The following PTPRD variants were observed in gnomAD, a reference collection of about 807,000 sequenced individuals.
PTPRD encodes receptor-type tyrosine-protein phosphatase delta.
In PTPRD, 34 loss-of-function variants were observed where a neutral mutation model predicts 214.5. The ratio of observed to expected loss-of-function variants is 0.16; its 90% CI spans 0.12 to 0.21. The LOEUF (loss-of-function observed/expected upper bound fraction) is 0.21, where lower values mean the gene tolerates loss of function less well. PTPRD is among the 10% of genes least tolerant of loss of function. PTPRD has a pLI of 1.00. For missense variants in PTPRD, 2,545 were observed against 2,398.7 expected, an observed-to-expected ratio of 1.06 and a Z score of -1.27; for synonymous variants, 1,128 against 845.7, an observed-to-expected ratio of 1.33 and a Z score of -5.79.
rs547560580 is a variant in PTPRD at position 9,348,796 on chromosome 9, T to C, written c.-203+48653A>G. On this transcript the variant is annotated intron_variant, in intron 9 of 45. Coordinates refer to ENST00000381196, the MANE Select transcript of PTPRD (RefSeq NM_002839.4). ...GTGCTATGGAGATTCACACGGATTATAACAGCTCTGAAGACCTCCACTTGT... is the reference window on the plus strand; with the variant it reads ...GTGCTATGGAGATTCACACGGATTACAACAGCTCTGAAGACCTCCACTTGT... 2.6e-5 allele frequency among the ~76,000 whole-genome samples: 4 copies of C among 152,226 alleles called. No individual in the cohort carries two copies. The South Asian group carries it at 8.3e-4, about 32-fold the overall frequency.
chr9:8,842,362 T>C (rs2097575351), intron 11 of PTPRD, among the ~76,000 whole-genome samples: 1 of 152,172 alleles, frequency 6.6e-6, no homozygotes, highest in South Asian at 2.1e-4. Flanking sequence ...CTAAATATCT[T>C]ATAATGAGAT....
intron 2 of PTPRD, among the ~76,000 whole-genome samples, chr9:10,369,038 A>C (rs1218493590): frequency 6.6e-6 from 1 of 152,060 alleles, no homozygotes; most frequent in East Asian, 1.9e-4. Flanking sequence ...AAGCAAAACA[A>C]AAACACAGTG....
chr9:10,178,980 TAAA>T (rs145239407), intron 3 of PTPRD, among the ~76,000 whole-genome samples: 1 of 151,806 alleles, frequency 6.6e-6, no homozygotes, highest in African/African-American at 2.4e-5. Context: ...TTTCTAGAAT[TAAA>T]AAATAAATGA....
intron 7 of PTPRD, among the ~76,000 whole-genome samples, chr9:9,687,017 G>C (rs2097177613): frequency 6.6e-6 from 1 of 151,718 alleles, no homozygotes; most frequent in Non-Finnish European, 1.5e-5. Context: ...TTTAATACAA[G>C]TTGTGCATTA....
At chr9:10,083,641 T>C (rs898404494) in intron 3 of PTPRD, among the ~76,000 whole-genome samples, 1 of 151,960 alleles carries the variant, frequency 6.6e-6, no homozygotes, top group Non-Finnish European at 1.5e-5. Flanking sequence ...CCAACAGTAA[T>C]CTACAGTCAT....
intron 7 of PTPRD, among the ~76,000 whole-genome samples, chr9:9,713,576 G>A (rs1239572793): frequency 6.6e-6 from 1 of 152,092 alleles, no homozygotes; most frequent in Non-Finnish European, 1.5e-5. Flanking sequence ...AGAGATTTTT[G>A]ACATTTTGAG....
chr9:9,213,275 A>C (rs1409023396), intron 9 of PTPRD, among the ~76,000 whole-genome samples: 4 of 152,122 alleles, frequency 2.6e-5, no homozygotes, highest in African/African-American at 4.8e-5. Context: ...ATTAAGTTAG[A>C]AGAGTTGGGA....
chr9:8,653,762 CA>C (rs1347855977), intron 12 of PTPRD, among the ~76,000 whole-genome samples: 1 of 152,158 alleles, frequency 6.6e-6, no homozygotes, highest in African/African-American at 2.4e-5. Context: ...ATAATGCCAT[CA>C]AACATGAACT....
chr9:9,408,388 C>T (rs367784144), intron 8 of PTPRD, among the ~76,000 whole-genome samples: 32 of 151,682 alleles, frequency 2.1e-4, no homozygotes, highest in African/African-American at 7.0e-4. Context: ...ACCCATACAG[C>T]TCAAATATAA....
rs146312006 is a variant in PTPRD, at chr9:10,349,564, T to G, written c.-599-8547A>C. 4.3e-3 allele frequency among the ~76,000 whole-genome samples: 648 copies of G among 152,292 alleles called. 6 individuals carry two copies. Among genetic ancestry groups the G allele is most frequent in the African/African-American group, 0.015 (615 of 41,544 alleles). On this transcript the variant is annotated intron_variant, in intron 2 of 45. Transcript: ENST00000381196. ...GTGGATTTGTTTCCATGTCCCTCAG[T>G]ATTTTTTAGAGTGTCATTTGAATAG...
chr9:8,949,348 A>G (rs1295264085), intron 11 of PTPRD, among the ~76,000 whole-genome samples: 2 of 152,168 alleles, frequency 1.3e-5, no homozygotes, highest in Non-Finnish European at 2.9e-5. Flanking sequence ...ATTTTTAAAG[A>G]CAACATTTTA....
Position 8,338,947 on chromosome 9 carries a change from C to G in PTPRD, c.5354G>C (p.Arg1785Thr). The change falls in exon 43 of 46, where the codon AGG becomes ACG. Residue 1785 changes from arginine (R) to threonine (T), a missense_variant. Arg to Thr is a moderately conservative substitution (Grantham distance 71). Coordinates refer to ENST00000381196, the MANE Select transcript of PTPRD (RefSeq NM_002839.4). ...CCTGGCATCTGTGACCTTGAATTCC[C>G]TTAGGATATACTGTGGCATGTTGTA... ...AEYNMPQYIL[R>T]EFKVTDARDG... 1.9e-6 allele frequency: 3 copies of G among 1,611,272 alleles called. No homozygotes were observed. The highest frequency in any genetic ancestry group is 2.5e-6 in the Non-Finnish European group (3 of 1,178,174).
At chr9:8,484,438 C>T (rs1591687099) in intron 29 of PTPRD, 60 bp from the exon 30 acceptor site, 1 of 1,530,406 alleles carries the variant, frequency 6.5e-7, no homozygotes, top group East Asian at 2.3e-5. Context: ...AATATATTTT[C>T]TAAACCAATG....
chr9:10,410,294 T>C (rs1200805172), intron 2 of PTPRD, among the ~76,000 whole-genome samples: 2 of 126,900 alleles, frequency 1.6e-5, no homozygotes, highest in Non-Finnish European at 3.4e-5. Flanking sequence ...CAATATATAA[T>C]ATATATAATA....
At chr9:9,320,815 T>C (rs1234575707) in intron 9 of PTPRD, among the ~76,000 whole-genome samples, 1 of 152,178 alleles carries the variant, frequency 6.6e-6, no homozygotes, top group Non-Finnish European at 1.5e-5. Flanking sequence ...GGAGGAGTAA[T>C]GGGAGGGCTC....
At chr9:8,537,487 G>A (rs1306922182) in intron 14 of PTPRD, among the ~76,000 whole-genome samples, 4 of 151,954 alleles carry the variant, frequency 2.6e-5, no homozygotes, top group African/African-American at 9.7e-5. Context: ...CAGATAGTAT[G>A]CTTGTCTTAA....
At chr9:8,898,180 T>A (rs926704754) in intron 11 of PTPRD, among the ~76,000 whole-genome samples, 4 of 152,306 alleles carry the variant, frequency 2.6e-5, no homozygotes, top group Non-Finnish European at 5.9e-5. Context: ...TGTAGGACAT[T>A]ATCCATTTTT....
At position 10,308,239 on chromosome 9, in the gene PTPRD, T is replaced by C. The variant is rs1411394214; in HGVS notation, c.-545+32724A>G. 3.9e-5 allele frequency among the ~76,000 whole-genome samples: 6 copies of C among 152,194 alleles called. No homozygotes were observed. The South Asian group carries it at 8.3e-4, about 21-fold the overall frequency. On this transcript the variant is annotated intron_variant, in intron 3 of 45. Coordinates refer to ENST00000381196, the MANE Select transcript of PTPRD (RefSeq NM_002839.4). ...TTAATCTATTTTGAGTTGACTTTTGTATATAGTGAGAGATAGCATCTGGCT... is the reference window on the plus strand; with the variant it reads ...TTAATCTATTTTGAGTTGACTTTTGCATATAGTGAGAGATAGCATCTGGCT...
At chr9:8,661,352 T>C (rs2097047934) in intron 12 of PTPRD, among the ~76,000 whole-genome samples, 1 of 152,088 alleles carries the variant, frequency 6.6e-6, no homozygotes, top group Non-Finnish European at 1.5e-5. Flanking sequence ...CAGTCTCTTA[T>C]TTCTCATTAC....
Sources: gnomAD v4.1 joint callset for allele counts (sites outside exome capture counted in the v4.1 genomes callset) on GRCh38, gnomAD v4.1.1 for gene constraint, MANE v1.5 for transcripts, NCBI Gene and HGNC (gene_info 2026-07-23, HGNC 2026-07-21) for gene names.